SV2C: variants seen among roughly 807,000 people sequenced by gnomAD.
SV2C encodes synaptic vesicle glycoprotein 2C.
Under a neutral mutation model 79.7 loss-of-function variants are expected in SV2C, and 49 were observed. That is an observed-to-expected ratio of 0.61 (90% confidence interval 0.49 to 0.78). The LOEUF (loss-of-function observed/expected upper bound fraction) is 0.78. Ranked by LOEUF, SV2C falls within the 30% of genes least tolerant of loss-of-function variation. SV2C has a pLI of 0.00. For missense variants in SV2C, 833 were observed against 912.9 expected (o/e 0.91, Z 1.13); for synonymous variants, 334 against 333.2 (o/e 1.00, Z -0.03).
At chr5:75,873,207 A>C in the SV2C span, among the ~76,000 whole-genome samples, 1 of 152,190 alleles carries the variant, frequency 6.6e-6, no homozygotes, top group Admixed American at 6.5e-5. Flanking sequence ...GAATACATGA[A>C]TCAATTGGTG....
the SV2C span, among the ~76,000 whole-genome samples, chr5:76,038,323 G>C: frequency 1.4e-4 from 22 of 152,242 alleles, no homozygotes; most frequent in Admixed American, 1.3e-4. Context: ...TAAGCTAGAA[G>C]TAGGGGATTG....
rs113331381 is a variant in SV2C, at chr5:76,161,446, G to T, written c.580+29116G>T. ...GTTTTCTTCTCTCTCTGTCACGCAGGCTGGAGTGCAGTGTAGCTGAGACAA... is the reference window on the plus strand; with the variant it reads ...GTTTTCTTCTCTCTCTGTCACGCAGTCTGGAGTGCAGTGTAGCTGAGACAA... On this transcript the variant is annotated intron_variant, in intron 2 of 12. Coordinates refer to ENST00000502798, the MANE Select transcript of SV2C (RefSeq NM_014979.4). Among the ~76,000 whole-genome samples, 420 of 152,242 alleles carry T rather than the reference G, an allele frequency of 2.8e-3. 2 individuals are homozygous for T. Among genetic ancestry groups the T allele is most frequent in the African/African-American group, 9.5e-3 (396 of 41,536 alleles).
the SV2C span, among the ~76,000 whole-genome samples, chr5:75,899,395 A>G: frequency 6.6e-6 from 1 of 152,128 alleles, no homozygotes; most frequent in African/African-American, 2.4e-5. Flanking sequence ...GAGTTTCTTA[A>G]TCCTGAGTTC....
chr5:76,108,308 T>C (rs924206247), intron 1 of SV2C, among the ~76,000 whole-genome samples: 1 of 152,208 alleles, frequency 6.6e-6, no homozygotes, highest in African/African-American at 2.4e-5. Context: ...AGTTAACTTA[T>C]ATAATGTGGC....
intron 1 of SV2C, 40 bp from the exon 2 acceptor site, chr5:76,131,610 A>G (rs1748892256): frequency 5.6e-6 from 3 of 535,720 alleles, no homozygotes; most frequent in Non-Finnish European, 6.3e-6. Context: ...ATATATATAG[A>G]AAGGAATAAT....
At chr5:75,874,729 T>C in the SV2C span, among the ~76,000 whole-genome samples, 1 of 152,018 alleles carries the variant, frequency 6.6e-6, no homozygotes, top group African/African-American at 2.4e-5. Flanking sequence ...ACAAAATCAA[T>C]TTCCAAAATC....
chr5:76,348,176 G>C (rs1749578105), intron 12 of SV2C, among the ~76,000 whole-genome samples: 1 of 152,172 alleles, frequency 6.6e-6, no homozygotes, highest in Non-Finnish European at 1.5e-5. Context: ...CATACAGTAT[G>C]TAGCCTTTTC....
intron 1 of SV2C, among the ~76,000 whole-genome samples, chr5:76,121,800 C>A (rs1195385951): frequency 1.3e-5 from 2 of 151,600 alleles, no homozygotes; most frequent in African/African-American, 4.9e-5. Context: ...AGTCAGGTAG[C>A]GTGATGCCTC....
At chr5:75,967,151 T>C in the SV2C span, among the ~76,000 whole-genome samples, 1 of 152,076 alleles carries the variant, frequency 6.6e-6, no homozygotes, top group Non-Finnish European at 1.5e-5. Context: ...CTGAGCAACA[T>C]GGTGAGACCC....
At chr5:76,018,832 C>G in the SV2C span, among the ~76,000 whole-genome samples, 4 of 152,120 alleles carry the variant, frequency 2.6e-5, no homozygotes, top group Non-Finnish European at 4.4e-5. Context: ...AAAAGCTGAC[C>G]ATTGATTCCC....
intron 1 of SV2C, among the ~76,000 whole-genome samples, chr5:76,120,691 A>G (rs1272862804): frequency 1.2e-4 from 18 of 150,730 alleles, no homozygotes; most frequent in African/African-American, 4.2e-4. Context: ...TACAAAGGAC[A>G]TGAACTCATC....
intron 1 of SV2C, among the ~76,000 whole-genome samples, chr5:76,084,618 G>A (rs1747112650): frequency 6.6e-6 from 1 of 151,152 alleles, no homozygotes; most frequent in African/African-American, 2.4e-5. Flanking sequence ...GGTGCCGCCT[G>A]GACGGCCTGA....
the SV2C span, among the ~76,000 whole-genome samples, chr5:75,848,296 C>G: frequency 6.6e-6 from 1 of 152,186 alleles, no homozygotes; most frequent in African/African-American, 2.4e-5. Context: ...CATTGTATAC[C>G]ACTTGAACCA....
the SV2C span, among the ~76,000 whole-genome samples, chr5:75,943,059 G>A: frequency 6.6e-6 from 1 of 152,160 alleles, no homozygotes; most frequent in African/African-American, 2.4e-5. Context: ...GAACTCAGCT[G>A]TGTCTGCACA....
the SV2C span, among the ~76,000 whole-genome samples, chr5:75,933,648 C>G: frequency 6.6e-6 from 1 of 152,220 alleles, no homozygotes; most frequent in Non-Finnish European, 1.5e-5. Context: ...GAAGTTTTGA[C>G]ACAGGCAAGT....
At chr5:76,231,038 A>C (rs1745403341) in intron 4 of SV2C, among the ~76,000 whole-genome samples, 1 of 152,228 alleles carries the variant, frequency 6.6e-6, no homozygotes. Flanking sequence ...CTCTGAATGA[A>C]ATTTCTCTGC....
the SV2C span, among the ~76,000 whole-genome samples, chr5:76,021,445 A>G: frequency 6.6e-6 from 1 of 152,244 alleles, no homozygotes; most frequent in African/African-American, 2.4e-5. Flanking sequence ...ACGATGGTAC[A>G]GATCAATGTT....
chr5:75,850,312 G>A, the SV2C span, among the ~76,000 whole-genome samples: 1 of 152,134 alleles, frequency 6.6e-6, no homozygotes, highest in South Asian at 2.1e-4. Flanking sequence ...CCGTTCCCGT[G>A]ATTGGTGTGA....
At chr5:76,118,368 A>T (rs1214011372) in intron 1 of SV2C, among the ~76,000 whole-genome samples, 1 of 152,160 alleles carries the variant, frequency 6.6e-6, no homozygotes, top group Non-Finnish European at 1.5e-5. Flanking sequence ...TCCTTAATAT[A>T]TTTATATCTT....
Sources: gnomAD v4.1 joint callset for allele counts (sites outside exome capture counted in the v4.1 genomes callset) on GRCh38, gnomAD v4.1.1 for gene constraint, MANE v1.5 for transcripts, NCBI Gene and HGNC (gene_info 2026-07-23, HGNC 2026-07-21) for gene names.